SLC9C2: variants seen among roughly 807,000 people sequenced by gnomAD.
SLC9C2 encodes sodium/hydrogen exchanger 11.
In SLC9C2, 75 loss-of-function variants were observed where a neutral mutation model predicts 140.2. The ratio of observed to expected loss-of-function variants is 0.53; its 90% CI spans 0.44 to 0.65. The LOEUF is 0.65. Among genes scored for constraint, SLC9C2 ranks in the 30% least tolerant of loss-of-function variants. The pLI, the probability that SLC9C2 is intolerant of heterozygous loss-of-function variation, is 0.00. For missense variants in SLC9C2, 1,074 were observed against 1,331.8 expected, an observed-to-expected ratio of 0.81 and a Z score of 3.01; for synonymous variants, 375 against 420.9, an observed-to-expected ratio of 0.89 and a Z score of 1.34.
At chr1:173,585,469 C>T (rs1665795242) in intron 5 of SLC9C2, among the ~76,000 whole-genome samples, 1 of 152,040 alleles carries the variant, frequency 6.6e-6, no homozygotes, top group South Asian at 2.1e-4. Flanking sequence ...TTATCTAATT[C>T]ACACAAAGGG....
At chr1:173,557,266 T>C (rs891191280) in intron 10 of SLC9C2, 74 bp downstream of exon 10, 2 of 1,410,692 alleles carry the variant, frequency 1.4e-6, no homozygotes, top group African/African-American at 1.4e-5. Flanking sequence ...ACTTTATTAC[T>C]GGGTTCTCTG....
chr1:173,587,879 C>T lies in SLC9C2; in HGVS notation c.358-49G>A, dbSNP rs12089398. On this transcript the variant is annotated intron_variant, in intron 4 of 27. Transcript: ENST00000367714. Reference sequence around the variant, plus strand: ...TATTAGACTTAACATCTAAAGATGGCATGATGGCATTTACTTATATCCTAA... The same window carrying T: ...TATTAGACTTAACATCTAAAGATGGTATGATGGCATTTACTTATATCCTAA... The T allele has an allele frequency of 0.013, 18,385 of 1,395,216 alleles. 1,705 individuals carry two copies. In the African/African-American group the frequency reaches 0.21, roughly 16 times the overall value. The allele number at this position is 1,395,216 out of a possible 1,614,324, so 86.4% of individuals were successfully genotyped here. A position where few individuals can be genotyped will look rare whatever the true frequency, so the allele number is the denominator to read the frequency against.
chr1:173,574,344 C>T (rs1315776835), intron 8 of SLC9C2, among the ~76,000 whole-genome samples: 1 of 152,106 alleles, frequency 6.6e-6, no homozygotes, highest in Non-Finnish European at 1.5e-5. Context: ...ACAGCATTAC[C>T]CCAATCAAGG....
intron 4 of SLC9C2, among the ~76,000 whole-genome samples, chr1:173,591,593 A>G (rs1279500451): frequency 1.3e-5 from 2 of 151,954 alleles, no homozygotes; most frequent in Non-Finnish European, 2.9e-5. Flanking sequence ...ATAGTATCTC[A>G]TTGTGGTTTT....
intron 4 of SLC9C2, 111 bp from the exon 5 acceptor site, chr1:173,587,941 C>G: frequency 1.3e-6 from 1 of 781,974 alleles, no homozygotes; most frequent in East Asian, 2.6e-5. Context: ...TACAATTACC[C>G]TGGAAGATAA....
intron 4 of SLC9C2, among the ~76,000 whole-genome samples, chr1:173,591,519 T>C (rs1159996880): frequency 6.6e-6 from 1 of 152,176 alleles, no homozygotes; most frequent in African/African-American, 2.4e-5. Flanking sequence ...CCCTTTTCTC[T>C]GGAACCTCGA....
At chr1:173,519,902 AC>A (rs1439173575) in intron 22 of SLC9C2, among the ~76,000 whole-genome samples, 6 of 152,144 alleles carry the variant, frequency 3.9e-5, no homozygotes, top group Non-Finnish European at 1.5e-5. Context: ...TAATCCCAGC[AC>A]TTTGGGAGGC....
At chr1:173,527,735 C>T (rs1183551069) in intron 18 of SLC9C2, among the ~76,000 whole-genome samples, 2 of 152,132 alleles carry the variant, frequency 1.3e-5, no homozygotes, top group Non-Finnish European at 2.9e-5. Flanking sequence ...AACTCTGCCC[C>T]AAATAATGCA....
intron 5 of SLC9C2, among the ~76,000 whole-genome samples, chr1:173,584,353 T>C (rs1665728093): frequency 6.6e-6 from 1 of 152,202 alleles, no homozygotes; most frequent in South Asian, 2.1e-4. Context: ...CTTGAGTAGA[T>C]AAAATTCCAC....
chr1:173,503,280 TC>T lies in SLC9C2; in HGVS notation c.3356del (p.Gly1119GlufsTer5). On this transcript the variant is annotated frameshift_variant, in exon 27 of 28. Transcript: ENST00000367714. LOFTEE classifies it high-confidence loss of function. ...AAGTTTATTACCTCATCTTTTGTCT[TC>T]CATTTATATTCTTTCCTGGTTGTTC... is the stretch of plus-strand genomic sequence containing the variant. ...VFEQPGKNIN[G>X]RQKMS 1 of 1,613,662 alleles carries T rather than the reference TC, an allele frequency of 6.2e-7. No homozygotes were observed. Among genetic ancestry groups the T allele is most frequent in the East Asian group, 2.2e-5 (1 of 44,866 alleles).
intron 25 of SLC9C2, among the ~76,000 whole-genome samples, chr1:173,506,420 A>T (rs546220960): frequency 1.3e-5 from 2 of 152,364 alleles, no homozygotes; most frequent in East Asian, 3.9e-4. Context: ...CCCAGGGCCC[A>T]GGATCTACTA....
chr1:173,530,085 T>C (rs772226621), intron 17 of SLC9C2, 31 bp from the exon 18 acceptor site: 1 of 1,559,564 alleles, frequency 6.4e-7, no homozygotes, highest in Non-Finnish European at 8.6e-7. Context: ...AAAAAAAACC[T>C]GTACATTTGA....
At chr1:173,576,212 C>T (rs1006197918) in intron 8 of SLC9C2, among the ~76,000 whole-genome samples, 1 of 152,132 alleles carries the variant, frequency 6.6e-6, no homozygotes, top group African/African-American at 2.4e-5. Context: ...AAATGATTTT[C>T]CCCCTATCCA....
chr1:173,589,206 A>G (rs1666022684), intron 4 of SLC9C2, among the ~76,000 whole-genome samples: 2 of 152,144 alleles, frequency 1.3e-5, no homozygotes, highest in South Asian at 2.1e-4. Flanking sequence ...TTTTTTTGGA[A>G]CATTTTTATT....
chr1:173,526,632 C>T (rs763756691), intron 19 of SLC9C2, 31 bp downstream of exon 19: 1 of 1,553,510 alleles, frequency 6.4e-7, no homozygotes, highest in Admixed American at 2.1e-5. Context: ...TAAGGTATGA[C>T]TTTAAGAACT....
chr1:173,554,670 C>T (rs1384666947), intron 11 of SLC9C2, 63 bp downstream of exon 11: 2 of 1,037,584 alleles, frequency 1.9e-6, no homozygotes, highest in East Asian at 4.8e-5. Context: ...CCCCATGACA[C>T]CCAACAATAA....
At chr1:173,553,660 T>C (rs925694821) in intron 11 of SLC9C2, among the ~76,000 whole-genome samples, 2 of 152,274 alleles carry the variant, frequency 1.3e-5, no homozygotes, top group African/African-American at 2.4e-5. Context: ...CACTGTGCTT[T>C]TGATTATAAT....
intron 13 of SLC9C2, among the ~76,000 whole-genome samples, chr1:173,540,058 G>A (rs184816667): frequency 5.3e-5 from 8 of 152,284 alleles, no homozygotes; most frequent in Non-Finnish European, 1.2e-4. Flanking sequence ...ACATTGTTCA[G>A]GCTCCAGAGC....
intron 24 of SLC9C2, among the ~76,000 whole-genome samples, chr1:173,508,189 G>A (rs1483217750): frequency 6.6e-6 from 1 of 151,658 alleles, no homozygotes; most frequent in Non-Finnish European, 1.5e-5. Flanking sequence ...AGCTGTTTTG[G>A]TTTGATTTTA....
Sources: allele counts gnomAD v4.1 joint callset (sites outside exome capture counted in the v4.1 genomes callset), GRCh38; gene constraint gnomAD v4.1.1; transcripts MANE v1.5; gene names NCBI Gene and HGNC (gene_info 2026-07-23, HGNC 2026-07-21).